Variants in CSMD1 observed in about 807,000 individuals in gnomAD.
CSMD1 encodes CUB and sushi domain-containing protein 1.
In CSMD1, 213 loss-of-function variants were observed where a neutral mutation model predicts 417.5. That is an observed-to-expected ratio of 0.51 (90% CI 0.46 to 0.57). The LOEUF is 0.57. CSMD1 is among the 20% of genes least tolerant of loss of function. The pLI, the probability that CSMD1 is intolerant of heterozygous loss-of-function variation, is 0.00. For missense variants in CSMD1, 6,923 were observed against 4,529.7 expected, an observed-to-expected ratio of 1.53 and a Z score of -15.17; for synonymous variants, 2,862 against 1,736.8, an observed-to-expected ratio of 1.65 and a Z score of -16.11.
At chr8:4,621,356 G>C (rs1001541203) in intron 2 of CSMD1, among the ~76,000 whole-genome samples, 4 of 151,986 alleles carry the variant, frequency 2.6e-5, no homozygotes, top group Admixed American at 6.6e-5. Context: ...ATGTTGGCAC[G>C]AAACAATTTT....
chr8:3,021,283 C>A (rs149264052), intron 51 of CSMD1, among the ~76,000 whole-genome samples: 138 of 152,284 alleles, frequency 9.1e-4, no homozygotes, highest in Admixed American at 2.9e-3. Flanking sequence ...AGTAATGGAG[C>A]AAAATTTTAG....
intron 5 of CSMD1, among the ~76,000 whole-genome samples, chr8:3,916,165 C>CAAGAAATTG (rs1808814810): frequency 6.6e-6 from 1 of 152,010 alleles, no homozygotes; most frequent in East Asian, 1.9e-4. Context: ...TCTATTACTT[C>CAAGAAATTG]AAGAAATTGA....
In CSMD1 at chr8:3,423,716, T is replaced by G. The variant is rs543664201; in HGVS notation, c.1562-14111A>C. On this transcript the variant is annotated intron_variant, in intron 12 of 69. Coordinates refer to ENST00000635120, the MANE Select transcript of CSMD1 (RefSeq NM_033225.6). Reference sequence around the variant, plus strand: ...GAATGTTCCATCCCAGGTCTTTGTGTGGAAATGTGTTTTTATTTCACTCGG... The same window carrying G: ...GAATGTTCCATCCCAGGTCTTTGTGGGGAAATGTGTTTTTATTTCACTCGG... Among the ~76,000 whole-genome samples, 12 of 152,320 alleles carry G rather than the reference T, an allele frequency of 7.9e-5. 1 individual carries two copies. The highest frequency in any genetic ancestry group is 3.4e-3 in the Middle Eastern group (1 of 294).
intron 5 of CSMD1, among the ~76,000 whole-genome samples, chr8:3,770,831 A>T (rs1798527670): frequency 6.6e-6 from 1 of 152,164 alleles, no homozygotes; most frequent in Non-Finnish European, 1.5e-5. Flanking sequence ...CTGACCTAAG[A>T]AAAGATAAAG....
chr8:4,598,818 A>G (rs911664502), intron 2 of CSMD1, among the ~76,000 whole-genome samples: 43 of 152,194 alleles, frequency 2.8e-4, no homozygotes, highest in Non-Finnish European at 4.4e-5. Flanking sequence ...TAAATAGAAC[A>G]AATTGTATTG....
At chr8:4,474,324 A>C (rs1284935356) in intron 2 of CSMD1, among the ~76,000 whole-genome samples, 1 of 152,120 alleles carries the variant, frequency 6.6e-6, no homozygotes, top group Non-Finnish European at 1.5e-5. Flanking sequence ...AAAACATACC[A>C]CTCAGACATT....
intron 26 of CSMD1, among the ~76,000 whole-genome samples, chr8:3,239,416 C>G (rs955191018): frequency 1.3e-5 from 2 of 152,118 alleles, no homozygotes; most frequent in African/African-American, 4.8e-5. Flanking sequence ...TGGTGGCCTT[C>G]TTAGACCCTG....
chr8:3,585,990 A>G (rs145986064), intron 9 of CSMD1, 146 bp downstream of exon 9: 49 of 808,440 alleles, frequency 6.1e-5, no homozygotes, highest in Non-Finnish European at 8.9e-5. Flanking sequence ...GGTTTCTGTT[A>G]TTACCCACAT....
intron 1 of CSMD1, among the ~76,000 whole-genome samples, chr8:4,706,490 T>G (rs1807947824): frequency 6.6e-6 from 1 of 152,108 alleles, no homozygotes; most frequent in Non-Finnish European, 1.5e-5. Flanking sequence ...GGAAAGTAAA[T>G]ATAGCATTAA....
At chr8:3,572,862 TC>T (rs1800000975) in intron 10 of CSMD1, among the ~76,000 whole-genome samples, 1 of 152,218 alleles carries the variant, frequency 6.6e-6, no homozygotes, top group African/African-American at 2.4e-5. Flanking sequence ...TCTGTAAAGT[TC>T]TACTATCTAA....
intron 3 of CSMD1, among the ~76,000 whole-genome samples, chr8:4,257,408 T>C (rs1204279262): frequency 6.7e-6 from 1 of 150,270 alleles, no homozygotes; most frequent in Non-Finnish European, 1.5e-5. Context: ...TCATGTATAA[T>C]CATGGATTTG....
chr8:4,091,805 G>C (rs910342007), intron 3 of CSMD1, among the ~76,000 whole-genome samples: 1 of 152,118 alleles, frequency 6.6e-6, no homozygotes, highest in Non-Finnish European at 1.5e-5. Context: ...TAAAATACTG[G>C]AAGAGGCCTT....
Position 4,629,667 on chromosome 8 carries a change from T to G in CSMD1, c.302+7675A>C, listed in dbSNP as rs531802189. 2.2e-4 allele frequency among the ~76,000 whole-genome samples: 33 copies of G among 152,326 alleles called. No homozygotes were observed. In the South Asian group the frequency reaches 6.6e-3, roughly 31 times the overall value. On this transcript the variant is annotated intron_variant, in intron 2 of 69. Transcript: ENST00000635120. ...TGCCTAGAAAGACACTTAGACAATATTTATCATTTTTATTTTCCATATTAA... is the reference window on the plus strand; with the variant it reads ...TGCCTAGAAAGACACTTAGACAATAGTTATCATTTTTATTTTCCATATTAA...
At chr8:4,387,763 C>A (rs1301855549) in intron 3 of CSMD1, among the ~76,000 whole-genome samples, 1 of 152,018 alleles carries the variant, frequency 6.6e-6, no homozygotes, top group Non-Finnish European at 1.5e-5. Context: ...AAAATCCTAT[C>A]TGAAGGCTTA....
chr8:3,528,645 G>A (rs752548453), intron 10 of CSMD1, among the ~76,000 whole-genome samples: 1 of 152,110 alleles, frequency 6.6e-6, no homozygotes, highest in Non-Finnish European at 1.5e-5. Flanking sequence ...TAAATGTCTT[G>A]AAATTCTTCT....
rs141250228 is a variant in CSMD1 at position 4,715,603 on chromosome 8, A to G, written c.86-78045T>C. Among the ~76,000 whole-genome samples, 991 of 152,294 alleles carry G rather than the reference A, an allele frequency of 6.5e-3. 6 individuals are homozygous for G. Among genetic ancestry groups the G allele is most frequent in the Middle Eastern group, 0.041 (12 of 294 alleles). On this transcript the variant is annotated intron_variant, in intron 1 of 69. Transcript: ENST00000635120. ...GATGCCTCACTGACATCCAAAATTT[A>G]ACGTGAACAAAAATGATCTCCTGAT...
At chr8:4,720,669 G>T (rs145544636) in intron 1 of CSMD1, among the ~76,000 whole-genome samples, 1 of 152,142 alleles carries the variant, frequency 6.6e-6, no homozygotes, top group African/African-American at 2.4e-5. Context: ...TGATCCACCT[G>T]CCTTGGCTTC....
At chr8:3,645,239 C>G (rs1797518502) in intron 7 of CSMD1, among the ~76,000 whole-genome samples, 1 of 152,144 alleles carries the variant, frequency 6.6e-6, no homozygotes, top group African/African-American at 2.4e-5. Flanking sequence ...CCTCTCTAGA[C>G]CAACCATGCA....
chr8:4,417,903 T>A (rs1386591094), intron 3 of CSMD1, among the ~76,000 whole-genome samples: 1 of 152,108 alleles, frequency 6.6e-6, no homozygotes, highest in African/African-American at 2.4e-5. Flanking sequence ...AAAGTTTATG[T>A]GTAAAGTATT....
Sources: allele counts gnomAD v4.1 joint callset (sites outside exome capture counted in the v4.1 genomes callset), GRCh38; gene constraint gnomAD v4.1.1; transcripts MANE v1.5; gene names NCBI Gene and HGNC (gene_info 2026-07-23, HGNC 2026-07-21).